The following DMD variants were observed in gnomAD, a reference collection of about 807,000 sequenced individuals.
DMD encodes dystrophin.
DMD carries 63 observed loss-of-function variants against 330.1 expected under a neutral mutation model. That is an observed-to-expected ratio of 0.19 (90% CI 0.16 to 0.24). The LOEUF is 0.24. Ranked by LOEUF, DMD falls within the 10% of genes least tolerant of loss-of-function variation. DMD has a pLI of 1.00. For synonymous variants in DMD, 1,223 were observed against 959.8 expected, an observed-to-expected ratio of 1.27 and a Z score of -5.07; for missense variants, 3,344 against 2,684.1, an observed-to-expected ratio of 1.25 and a Z score of -5.43.
At chrX:31,616,922 T>C (rs1292535524) in intron 55 of DMD, among the ~76,000 whole-genome samples, 1 of 111,546 alleles carries the variant, frequency 9.0e-6, no homozygotes, top group Non-Finnish European at 1.9e-5. Flanking sequence ...AATGACTATA[T>C]GATCTGAACT....
At chrX:31,737,689 C>T (rs553523235) in intron 51 of DMD, among the ~76,000 whole-genome samples, 2 of 107,507 alleles carry the variant, frequency 1.9e-5, no homozygotes, top group South Asian at 4.5e-4. Context: ...ATTGGATCTG[C>T]GAAAGTATCC....
intron 74 of DMD, among the ~76,000 whole-genome samples, chrX:31,148,019 T>C (rs772257355): frequency 3.6e-5 from 4 of 111,255 alleles, no homozygotes; most frequent in Non-Finnish European, 5.7e-5. Flanking sequence ...TCTTCAAAAG[T>C]TTTTTGAAGA....
intron 20 of DMD, among the ~76,000 whole-genome samples, chrX:32,485,715 A>ACCAAACAG (rs1218946886): frequency 3.3e-5 from 3 of 90,344 alleles, no homozygotes; most frequent in Non-Finnish European, 6.5e-5. Context: ...ACTTCTCCTG[A>ACCAAACAG]CCAAACAGGC....
intron 60 of DMD, among the ~76,000 whole-genome samples, chrX:31,399,838 T>TA: frequency 9.0e-6 from 1 of 111,364 alleles, no homozygotes; most frequent in Non-Finnish European, 1.9e-5. Flanking sequence ...GCAGAGTAGT[T>TA]AGAGAGGAAT....
At chrX:32,595,698 T>A in intron 13 of DMD, 59 bp downstream of exon 13, 1 of 1,126,546 alleles carries the variant, frequency 8.9e-7, no homozygotes, top group South Asian at 1.9e-5. Context: ...TTTAAAATAC[T>A]TTTCAAGTTA....
intron 43 of DMD, among the ~76,000 whole-genome samples, chrX:32,225,873 C>T (rs2097146056): frequency 9.0e-6 from 1 of 111,361 alleles, no homozygotes. Flanking sequence ...CCAATTAAAC[C>T]TCTTTACTTT....
At chrX:32,745,868 GCT>G (rs1223739270) in intron 7 of DMD, among the ~76,000 whole-genome samples, 16 of 111,941 alleles carry the variant, frequency 1.4e-4, no homozygotes, top group Non-Finnish European at 2.3e-4. Context: ...AAACTGATAA[GCT>G]GCAAAATTCT....
intron 17 of DMD, among the ~76,000 whole-genome samples, chrX:32,523,849 C>A (rs952678080): frequency 7.2e-4 from 80 of 111,391 alleles, no homozygotes; most frequent in African/African-American, 2.5e-3. Context: ...TGTTATACCA[C>A]CACCTCCAAT....
intron 47 of DMD, among the ~76,000 whole-genome samples, chrX:31,924,508 AT>A (rs2094740693): frequency 8.9e-6 from 1 of 112,259 alleles, no homozygotes; most frequent in Non-Finnish European, 1.9e-5. Flanking sequence ...ATTTCTGGAA[AT>A]TTAGATACAG....
chrX:31,558,163 A>G (rs962088900), intron 55 of DMD, among the ~76,000 whole-genome samples: 1 of 112,381 alleles, frequency 8.9e-6, no homozygotes, highest in African/African-American at 3.2e-5. Context: ...GAGTGCCAAT[A>G]TATGAATAAT....
At chrX:32,115,217 G>T (rs111846273) in intron 44 of DMD, among the ~76,000 whole-genome samples, 1,241 of 110,961 alleles carry the variant, frequency 0.011, 7 homozygotes, top group Middle Eastern at 0.032. Context: ...AACCATCTAA[G>T]GGCCTATGAC....
intron 37 of DMD, among the ~76,000 whole-genome samples, chrX:32,353,655 G>A (rs1036811573): frequency 3.6e-5 from 4 of 111,128 alleles, no homozygotes; most frequent in Admixed American, 9.6e-5. Flanking sequence ...ATGAGAAAGT[G>A]TATACCAAGC....
At chrX:32,076,303 G>C (rs771986049) in intron 44 of DMD, among the ~76,000 whole-genome samples, 1 of 109,201 alleles carries the variant, frequency 9.2e-6, no homozygotes, top group Non-Finnish European at 1.9e-5. Context: ...GTTACCTCTA[G>C]TGGGAAATTT....
In DMD at chrX:32,490,344, A is replaced by G. The variant is rs377376746; in HGVS notation, c.2622+933T>C. 4.5e-5 allele frequency among the ~76,000 whole-genome samples: 5 copies of G among 111,768 alleles called. No individual in the cohort carries two copies. The East Asian group carries it at 8.5e-4, about 19-fold the overall frequency. On this transcript the variant is annotated intron_variant, in intron 20 of 78. Transcript: ENST00000357033. ...AATGAAAACAGTTTAGGCTATTTTC[A>G]TTATTATACAGCTCTTGTTTTCTTA...
intron 62 of DMD, among the ~76,000 whole-genome samples, chrX:31,297,338 G>C (rs978302537): frequency 9.0e-6 from 1 of 111,103 alleles, no homozygotes; most frequent in Non-Finnish European, 1.9e-5. Flanking sequence ...CAGAGTGATA[G>C]AGCAAGTGAC....
chrX:32,968,124 T>A (rs1774875010), intron 2 of DMD, among the ~76,000 whole-genome samples: 1 of 112,413 alleles, frequency 8.9e-6, no homozygotes, highest in Non-Finnish European at 1.9e-5. Flanking sequence ...CAAATGTTCA[T>A]CTGTTGAATG....
intron 7 of DMD, among the ~76,000 whole-genome samples, chrX:32,721,004 T>C (rs1204903248): frequency 9.0e-6 from 1 of 111,571 alleles, no homozygotes; most frequent in East Asian, 2.8e-4. Context: ...TCACTTAGTG[T>C]AATTTCCTTC....
chrX:32,731,324 A>G (rs1264241205), intron 7 of DMD, among the ~76,000 whole-genome samples: 6 of 112,357 alleles, frequency 5.3e-5, no homozygotes, highest in African/African-American at 9.7e-5. Flanking sequence ...AGGTGGCAGC[A>G]AGGCTGGGGG....
At chrX:31,354,935 C>T (rs1398754544) in intron 60 of DMD, among the ~76,000 whole-genome samples, 1 of 111,451 alleles carries the variant, frequency 9.0e-6, no homozygotes, top group African/African-American at 3.3e-5. Flanking sequence ...AATGAATGAG[C>T]ACCAAATCAT....
Sources: gnomAD v4.1 joint callset for allele counts (sites outside exome capture counted in the v4.1 genomes callset) on GRCh38, gnomAD v4.1.1 for gene constraint, MANE v1.5 for transcripts, NCBI Gene and HGNC (gene_info 2026-07-23, HGNC 2026-07-21) for gene names.